The following TMEM192 variants were observed in gnomAD, a reference collection of about 807,000 sequenced individuals.
TMEM192 encodes transmembrane protein 192.
In TMEM192, 20 loss-of-function variants were observed where a neutral mutation model predicts 26.7. That is an observed-to-expected ratio of 0.75 (90% CI 0.53 to 1.09). The LOEUF (loss-of-function observed/expected upper bound fraction) is 1.09, where lower values mean the gene tolerates loss of function less well. Ranked by LOEUF, TMEM192 falls within the 50% of genes least tolerant of loss-of-function variation. The pLI is 0.00. For missense variants in TMEM192, 304 were observed against 322.6 expected, an observed-to-expected ratio of 0.94 and a Z score of 0.44; for synonymous variants, 124 against 121.0, an observed-to-expected ratio of 1.02 and a Z score of -0.16.
At chr4:165,079,822 G>C (rs888046939) in intron 5 of TMEM192, 26 bp from the exon 6 acceptor site, 1 of 1,608,314 alleles carries the variant, frequency 6.2e-7, no homozygotes, top group African/African-American at 1.3e-5. Context: ...ATATAAATGG[G>C]TTACACATAT....
chr4:165,070,806 TCC>T lies in TMEM192; in HGVS notation c.*8850_*8851del, dbSNP rs1397836021. The T allele has an allele frequency of 6.6e-6, 1 of 152,188 alleles. No homozygotes were observed. The highest frequency in any genetic ancestry group is 2.4e-5 in the African/African-American group (1 of 41,430). The allele number at this position is 152,188 out of a possible 1,614,324, so 9.4% of individuals were successfully genotyped here. ...GTGAGCATAGTTTTTCTACTACAAT[TCC>T]AGTAGTGAAATCACTGAAGTTAGTG... On this transcript the variant is annotated 3_prime_UTR_variant, in exon 6 of 6. Coordinates refer to ENST00000306480, the MANE Select transcript of TMEM192 (RefSeq NM_001100389.2).
intron 3 of TMEM192, among the ~76,000 whole-genome samples, chr4:165,095,058 T>C (rs1193531554): frequency 6.6e-6 from 1 of 151,924 alleles, no homozygotes; most frequent in Non-Finnish European, 1.5e-5. Flanking sequence ...GGCTGGGCGG[T>C]CCTGTAATGA....
intron 1 of TMEM192, among the ~76,000 whole-genome samples, chr4:165,107,350 A>AC (rs879504543): frequency 2.7e-5 from 4 of 149,426 alleles, no homozygotes; most frequent in Non-Finnish European, 4.4e-5. Context: ...ACAAAAACAA[A>AC]AAAAAAAACA....
chr4:165,086,676 A>C (rs1734625076), intron 4 of TMEM192, among the ~76,000 whole-genome samples: 3 of 151,958 alleles, frequency 2.0e-5, no homozygotes, highest in Non-Finnish European at 1.5e-5. Context: ...CCACCCGCTG[A>C]GGCCTCCCAA....
rs758226941 is a variant in TMEM192, at chr4:165,085,628, A to G, written c.635T>C (p.Ile212Thr). 7 of 1,612,770 alleles carry G rather than the reference A, an allele frequency of 4.3e-6. No homozygotes were observed. In the East Asian group the frequency reaches 1.1e-4, roughly 26 times the overall value. ...PEPDILEEEK[I>T]YAYPSNITSE... ...GGTAATATTGCTGGGGTAAGCATAG[A>G]TTTTTTCTTCTTCAAGTATATCAGG... is the stretch of plus-strand genomic sequence containing the variant. Residue 212 changes from isoleucine to threonine, a missense_variant, in exon 5 of 6, where the codon ATC (isoleucine) becomes ACC (threonine). Coordinates refer to ENST00000306480, the MANE Select transcript of TMEM192 (RefSeq NM_001100389.2).
intron 3 of TMEM192, 131 bp downstream of exon 3, chr4:165,100,497 T>C: frequency 1.8e-6 from 2 of 1,087,126 alleles, no homozygotes; most frequent in Non-Finnish European, 1.3e-6. Context: ...CAAATTTTAG[T>C]GGTCAGAACA....
At chr4:165,093,162 T>C (rs992021459) in intron 3 of TMEM192, among the ~76,000 whole-genome samples, 2 of 143,718 alleles carry the variant, frequency 1.4e-5, no homozygotes, top group African/African-American at 5.1e-5. Context: ...GGTGGCACGA[T>C]CTCAGCTCAC....
chr4:165,078,372 A>G lies in TMEM192; in HGVS notation c.*1286T>C, dbSNP rs1173554584. The stretch of plus-strand genomic sequence containing the variant: ...CAGCAAACTGACAAATTAAAGGGGC[A>G]TACTAGGAAAAATGGAGAAATAATG... On this transcript the variant is annotated 3_prime_UTR_variant, in exon 6 of 6. Coordinates refer to ENST00000306480, the MANE Select transcript of TMEM192 (RefSeq NM_001100389.2). 1 of 152,202 alleles carries G rather than the reference A, an allele frequency of 6.6e-6. No homozygotes were observed. The highest frequency in any genetic ancestry group is 1.9e-4 in the East Asian group (1 of 5,202). The allele number at this position is 152,202 out of a possible 1,614,324, so 9.4% of individuals were successfully genotyped here.
chr4:165,092,921 A>G lies in TMEM192; in HGVS notation c.440-4319T>C, dbSNP rs558711144. 3.3e-4 allele frequency among the ~76,000 whole-genome samples: 50 copies of G among 151,874 alleles called. 1 individual carries two copies. Among genetic ancestry groups the G allele is most frequent in the Admixed American group, 5.9e-4 (9 of 15,240 alleles). Reference sequence around the variant, plus strand: ...CTTAAAAAAAAAATAATAAAAATAAATAAAAAAAGTTTTGACAAAATATCA... The same window carrying G: ...CTTAAAAAAAAAATAATAAAAATAAGTAAAAAAAGTTTTGACAAAATATCA... On this transcript the variant is annotated intron_variant, in intron 3 of 5. Coordinates refer to ENST00000306480, the MANE Select transcript of TMEM192 (RefSeq NM_001100389.2).
At chr4:165,089,623 G>T (rs1438412698) in intron 3 of TMEM192, among the ~76,000 whole-genome samples, 1 of 152,042 alleles carries the variant, frequency 6.6e-6, no homozygotes, top group Admixed American at 6.6e-5. Context: ...GCACCCAGCC[G>T]AAAGTGACCT....
chr4:165,097,419 G>A lies in TMEM192; in HGVS notation c.439+3209C>T, dbSNP rs573228171. Among the ~76,000 whole-genome samples the A allele has an allele frequency of 6.3e-3, 944 of 150,934 alleles. 2 individuals are homozygous for A. Among genetic ancestry groups the A allele is most frequent in the Middle Eastern group, 0.017 (5 of 294 alleles). The stretch of plus-strand genomic sequence containing the variant: ...TGAGGCAGGAGAATGGCCTGAACCC[G>A]GGAGGCGGAGCTTGCAGTGAGCCGA... On this transcript the variant is annotated intron_variant, in intron 3 of 5. Transcript: ENST00000306480.
At chr4:165,103,818 G>A (rs943111263) in intron 1 of TMEM192, among the ~76,000 whole-genome samples, 6 of 152,078 alleles carry the variant, frequency 3.9e-5, no homozygotes, top group African/African-American at 9.7e-5. Flanking sequence ...CACCGTGCCC[G>A]GCACACATCC....
Position 165,102,969 on chromosome 4 carries a change from T to C in TMEM192, c.155A>G (p.Asn52Ser), listed in dbSNP as rs1414570296. 3 of 1,612,022 alleles carry C rather than the reference T, an allele frequency of 1.9e-6. No individual in the cohort carries two copies. Among genetic ancestry groups the C allele is most frequent in the East Asian group, 2.2e-5 (1 of 44,836 alleles). Residue 52 changes from asparagine to serine, a missense_variant, in exon 2 of 6, where the codon AAT becomes AGT. Asn to Ser is a conservative substitution (Grantham distance 46, BLOSUM62 1). Coordinates refer to ENST00000306480, the MANE Select transcript of TMEM192 (RefSeq NM_001100389.2). ...ACTTACATGAATAAACCACAGAAGA[T>C]TCACTATGATGACTGTAGGAAGAGG... The part of the protein sequence containing the change: ...FHPLPTVIIV[N>S]LLWFIHLVFV...
rs1055795897 is a variant in TMEM192, at chr4:165,090,828, C to T, written c.440-2226G>A. ...CTGACACAGGAGAATCACTTGGTCC[C>T]GGAAGGTGGAGGTTGCAGTGAGCTG... On this transcript the variant is annotated intron_variant, in intron 3 of 5. Transcript: ENST00000306480. Among the ~76,000 whole-genome samples, 3 of 136,006 alleles carry T rather than the reference C, an allele frequency of 2.2e-5. No homozygotes were observed. The East Asian group carries it at 7.1e-4, about 32-fold the overall frequency. 89.2% of individuals were successfully genotyped at this position (136,006 alleles called of 152,430 possible).
chr4:165,110,990 C>T (rs1735281200), intron 1 of TMEM192, among the ~76,000 whole-genome samples: 1 of 152,168 alleles, frequency 6.6e-6, no homozygotes, highest in Non-Finnish European at 1.5e-5. Flanking sequence ...TTCTTGAAGG[C>T]TAGGAATCAT....
intron 2 of TMEM192, among the ~76,000 whole-genome samples, chr4:165,102,566 T>C (rs1346536308): frequency 6.6e-6 from 1 of 152,152 alleles, no homozygotes; most frequent in Non-Finnish European, 1.5e-5. Flanking sequence ...AAGGCTATTC[T>C]ATGTTAATAT....
rs1201734028 is a variant in TMEM192 at position 165,078,468 on chromosome 4, A to C, written c.*1190T>G. 1 of 152,246 alleles carries C rather than the reference A, an allele frequency of 6.6e-6. No individual in the cohort carries two copies. The highest frequency in any genetic ancestry group is 2.4e-5 in the African/African-American group (1 of 41,476). 9.4% of individuals were successfully genotyped at this position (152,246 alleles called of 1,614,324 possible). A position where few individuals can be genotyped will look rare whatever the true frequency, so the allele number is the denominator to read the frequency against. On this transcript the variant is annotated 3_prime_UTR_variant, in exon 6 of 6. Coordinates refer to ENST00000306480, the MANE Select transcript of TMEM192 (RefSeq NM_001100389.2). ...ATGTTTAATATCTGCATATAACTTA[A>C]TATGCATTTCTTCCATTACAATTTT...
intron 1 of TMEM192, among the ~76,000 whole-genome samples, chr4:165,111,213 C>T (rs540596523): frequency 6.6e-6 from 1 of 152,304 alleles, no homozygotes; most frequent in East Asian, 1.9e-4. Flanking sequence ...GATTCTCCTG[C>T]CTCCCCAGTA....
At chr4:165,100,316 C>T (rs796945044) in intron 3 of TMEM192, among the ~76,000 whole-genome samples, 8 of 152,054 alleles carry the variant, frequency 5.3e-5, no homozygotes, top group African/African-American at 1.7e-4. Flanking sequence ...TGCACCACCA[C>T]GCCCAGCTAA....
Sources: allele counts gnomAD v4.1 joint callset (sites outside exome capture counted in the v4.1 genomes callset), GRCh38; gene constraint gnomAD v4.1.1; transcripts MANE v1.5; gene names NCBI Gene and HGNC (gene_info 2026-07-23, HGNC 2026-07-21).